The following ZNF652 variants were observed in gnomAD, a reference collection of about 807,000 sequenced individuals.
ZNF652 encodes zinc finger protein 652.
Under a neutral mutation model 45.2 loss-of-function variants are expected in ZNF652, and 16 were observed. The ratio of observed to expected loss-of-function variants is 0.35; its 90% confidence interval spans 0.24 to 0.54. ZNF652 has a LOEUF of 0.54. Ranked by LOEUF, ZNF652 falls within the 20% of genes least tolerant of loss-of-function variation. ZNF652 has a pLI of 0.91. For synonymous variants in ZNF652, 250 were observed against 260.6 expected, an observed-to-expected ratio of 0.96 and a Z score of 0.39; for missense variants, 614 against 765.6, an observed-to-expected ratio of 0.80 and a Z score of 2.34.
chr17:49,327,382 C>T (rs965919439), intron 1 of ZNF652, among the ~76,000 whole-genome samples: 3 of 151,864 alleles, frequency 2.0e-5, no homozygotes, highest in African/African-American at 4.8e-5. Context: ...AGGCTGGTCT[C>T]GAACTCCTGA....
At chr17:49,315,867 A>G (rs1007572743) in intron 2 of ZNF652, among the ~76,000 whole-genome samples, 2 of 152,222 alleles carry the variant, frequency 1.3e-5, no homozygotes, top group African/African-American at 4.8e-5. Flanking sequence ...AAGTAGAGCA[A>G]TGATCTCAGA....
At chr17:49,312,177 T>C (rs1410216074) in intron 3 of ZNF652, 135 bp from the exon 4 acceptor site, 1 of 582,426 alleles carries the variant, frequency 1.7e-6, no homozygotes, top group African/African-American at 2.0e-5. Flanking sequence ...TTTTTTTTTT[T>C]TTTTTTGAGA....
At chr17:49,323,095 G>T (rs1414166644) in intron 1 of ZNF652, among the ~76,000 whole-genome samples, 1 of 152,146 alleles carries the variant, frequency 6.6e-6, no homozygotes, top group African/African-American at 2.4e-5. Flanking sequence ...TTTCATAAAA[G>T]ATTTCTCTGT....
chr17:49,325,515 C>G (rs917205422), intron 1 of ZNF652, among the ~76,000 whole-genome samples: 1 of 152,112 alleles, frequency 6.6e-6, no homozygotes, highest in African/African-American at 2.4e-5. Context: ...CACAGAGACA[C>G]AAAGTGAGCA....
chr17:49,328,040 C>T (rs2069984898), intron 1 of ZNF652, among the ~76,000 whole-genome samples: 1 of 151,706 alleles, frequency 6.6e-6, no homozygotes, highest in Non-Finnish European at 1.5e-5. Flanking sequence ...TAAGTTACTT[C>T]TTTATGTCTC....
rs1461961784 is a variant in ZNF652 at position 49,296,486 on chromosome 17, A to G, written c.*1927T>C. The G allele has an allele frequency of 6.6e-6, 1 of 152,606 alleles. No homozygotes were observed. Among genetic ancestry groups the G allele is most frequent in the Non-Finnish European group, 1.5e-5 (1 of 68,038 alleles). 9.5% of individuals were successfully genotyped at this position (152,606 alleles called of 1,614,324 possible). ...GAAGCATATCTGCACATTTAATATT[A>G]AAAATAAAAAAATAAATAAAAGCCA... On this transcript the variant is annotated 3_prime_UTR_variant, in exon 6 of 6. Transcript: ENST00000430262.
intron 1 of ZNF652, among the ~76,000 whole-genome samples, chr17:49,348,895 T>A (rs1360481372): frequency 6.6e-6 from 1 of 152,192 alleles, no homozygotes; most frequent in Non-Finnish European, 1.5e-5. Context: ...CATTTTTGTT[T>A]CCTAGAATGC....
rs779042339 is a variant in ZNF652, at chr17:49,303,247, C to CTTTTTTTTTTTTTTT, written c.1310-4324_1310-4323insAAAAAAAAAAAAAAA. On this transcript the variant is annotated intron_variant, in intron 5 of 5. Transcript: ENST00000430262. ...GTGATGTTTTATTCTTTACGCTTAT[C>CTTTTTTTTTTTTTTT]TTTTTTTTTTTGAGACAGGGTCTCA... 3.3e-3 allele frequency among the ~76,000 whole-genome samples: 398 copies of CTTTTTTTTTTTTTTT among 121,684 alleles called. 14 individuals are homozygous for CTTTTTTTTTTTTTTT. Among genetic ancestry groups the CTTTTTTTTTTTTTTT allele is most frequent in the African/African-American group, 4.7e-3 (142 of 30,138 alleles). The allele number at this position is 121,684 out of a possible 152,430, so 79.8% of individuals were successfully genotyped here.
Position 49,317,620 on chromosome 17 carries a change from AG to A in ZNF652, c.105del (p.Tyr37IlefsTer26). 1 of 1,614,124 alleles carries A rather than the reference AG, an allele frequency of 6.2e-7. No individual in the cohort carries two copies. ...EDSRRGQVPS[S>X]FYHGANQELD... Reference sequence around the variant, plus strand: ...AGTTCTTGGTTGGCACCATGATAAAAGGAAGATGGCACTTGACCACGACGGC... The same window carrying A: ...AGTTCTTGGTTGGCACCATGATAAAAGAAGATGGCACTTGACCACGACGGC... On this transcript the variant is annotated frameshift_variant, in exon 2 of 6. Coordinates refer to ENST00000430262, the MANE Select transcript of ZNF652 (RefSeq NM_001145365.3). LOFTEE classifies it high-confidence loss of function.
At chr17:49,348,549 C>A (rs937464248) in intron 1 of ZNF652, among the ~76,000 whole-genome samples, 1 of 128,906 alleles carries the variant, frequency 7.8e-6, no homozygotes. Flanking sequence ...GAAAAACCCC[C>A]GCAAGGAGAG....
intron 1 of ZNF652, among the ~76,000 whole-genome samples, chr17:49,325,150 C>A (rs2069943498): frequency 6.6e-6 from 1 of 152,124 alleles, no homozygotes; most frequent in Non-Finnish European, 1.5e-5. Context: ...TTTTGACAGG[C>A]CTTGCTCACT....
At chr17:49,306,815 C>T (rs1052783615) in intron 5 of ZNF652, among the ~76,000 whole-genome samples, 5 of 152,110 alleles carry the variant, frequency 3.3e-5, no homozygotes, top group Non-Finnish European at 7.4e-5. Context: ...TGCAGTGGCG[C>T]GATCTCAGCT....
rs570560250 is a variant in ZNF652, at chr17:49,332,286, A to G, written c.-258-14303T>C. Among the ~76,000 whole-genome samples the G allele has an allele frequency of 2.2e-3, 332 of 152,330 alleles. 1 individual carries two copies. Among genetic ancestry groups the G allele is most frequent in the Non-Finnish European group, 1.1e-3 (77 of 68,030 alleles). On this transcript the variant is annotated intron_variant, in intron 1 of 5. Coordinates refer to ENST00000430262, the MANE Select transcript of ZNF652 (RefSeq NM_001145365.3). ...TAAATAAATAAATATAACATTTTGA[A>G]AACATCTTAACTGAACTAGTCTTAA...
In ZNF652 at chr17:49,298,120, T is replaced by G. The variant is rs1020644455; in HGVS notation, c.*293A>C. On this transcript the variant is annotated 3_prime_UTR_variant, in exon 6 of 6. Coordinates refer to ENST00000430262, the MANE Select transcript of ZNF652 (RefSeq NM_001145365.3). ...AGCAAGCATACCTCATCAGCTGATA[T>G]GAAATTATAAAATTCCACAAGTCTG... is the stretch of plus-strand genomic sequence containing the variant. The G allele has an allele frequency of 2.4e-6, 1 of 413,160 alleles. No homozygotes were observed. The highest frequency in any genetic ancestry group is 4.4e-6 in the Non-Finnish European group (1 of 228,520). The allele number at this position is 413,160 out of a possible 1,614,324, so 25.6% of individuals were successfully genotyped here. A position where few individuals can be genotyped will look rare whatever the true frequency, so the allele number is the denominator to read the frequency against.
chr17:49,321,619 A>G (rs2069894481), intron 1 of ZNF652, among the ~76,000 whole-genome samples: 1 of 152,020 alleles, frequency 6.6e-6, no homozygotes, highest in African/African-American at 2.4e-5. Flanking sequence ...TTATTACCAC[A>G]GCATAATTTG....
Position 49,327,404 on chromosome 17 carries a change from G to A in ZNF652, c.-258-9421C>T, listed in dbSNP as rs141132785. 5.5e-3 allele frequency among the ~76,000 whole-genome samples: 830 copies of A among 151,686 alleles called. 8 individuals are homozygous for A. Among genetic ancestry groups the A allele is most frequent in the African/African-American group, 0.018 (731 of 41,390 alleles). The stretch of plus-strand genomic sequence containing the variant: ...TCTCGAACTCCTGACCTCGTGAGCC[G>A]CTGTCTCAGCCTCCCAAAGTGCTGG... On this transcript the variant is annotated intron_variant, in intron 1 of 5. Coordinates refer to ENST00000430262, the MANE Select transcript of ZNF652 (RefSeq NM_001145365.3).
At position 49,291,753 on chromosome 17, in the gene ZNF652, G is replaced by C. The variant is rs955622288; in HGVS notation, c.*6660C>G. ...TACTAAGTTACTAGTTACTATCCAA[G>C]AGGCAAACTTCTAGATCAATAATGA... On this transcript the variant is annotated 3_prime_UTR_variant, in exon 6 of 6. Transcript: ENST00000430262. 2 of 152,152 alleles carry C rather than the reference G, an allele frequency of 1.3e-5. No individual in the cohort carries two copies. The highest frequency in any genetic ancestry group is 1.3e-4 in the Admixed American group (2 of 15,276). The allele number at this position is 152,152 out of a possible 1,614,324, so 9.4% of individuals were successfully genotyped here.
intron 1 of ZNF652, chr17:49,322,332 C>A (rs1485186658): frequency 1.3e-5 from 2 of 152,176 alleles, no homozygotes; most frequent in African/African-American, 4.8e-5. Context: ...GAAAGCAAGC[C>A]TTAGCAATAC....
At chr17:49,330,438 G>A (rs1212756485) in intron 1 of ZNF652, among the ~76,000 whole-genome samples, 1 of 138,238 alleles carries the variant, frequency 7.2e-6, no homozygotes, top group Non-Finnish European at 1.6e-5. Flanking sequence ...GACTACAGGT[G>A]CACACCACAG....
Sources: allele counts gnomAD v4.1 joint callset (sites outside exome capture counted in the v4.1 genomes callset), GRCh38; gene constraint gnomAD v4.1.1; transcripts MANE v1.5; gene names NCBI Gene and HGNC (gene_info 2026-07-23, HGNC 2026-07-21).